The following MELK variants were observed in gnomAD, a reference collection of about 807,000 sequenced individuals.
MELK encodes maternal embryonic leucine zipper kinase, also known as pEg3 kinase.
MELK carries 81 observed loss-of-function variants against 85.0 expected under a neutral mutation model. The ratio of observed to expected loss-of-function variants is 0.95; its 90% CI spans 0.80 to 1.15. MELK has a LOEUF of 1.15. Among genes scored for constraint, MELK ranks in the 50% most tolerant of loss-of-function variants. MELK has a pLI of 0.00. For missense variants in MELK, 754 were observed against 777.5 expected (o/e 0.97, Z 0.36); for synonymous variants, 252 against 265.0 (o/e 0.95, Z 0.48).
At chr9:36,673,885 G>A (rs1176735042) in intron 16 of MELK, among the ~76,000 whole-genome samples, 1 of 151,878 alleles carries the variant, frequency 6.6e-6, no homozygotes, top group African/African-American at 2.4e-5. Context: ...TTATGTTTTC[G>A]AAATCAGTTG....
chr9:36,623,599 C>T (rs1036969314), intron 8 of MELK, among the ~76,000 whole-genome samples: 9 of 152,220 alleles, frequency 5.9e-5, no homozygotes, highest in African/African-American at 1.2e-4. Context: ...CTTGCCTAGA[C>T]GATGTGTACC....
chr9:36,634,556 C>G (rs1323653473), intron 10 of MELK, among the ~76,000 whole-genome samples: 1 of 151,814 alleles, frequency 6.6e-6, no homozygotes, highest in Admixed American at 6.6e-5. Flanking sequence ...ACTAAAAATG[C>G]AAAAAATTAG....
At chr9:36,635,239 G>A (rs1829010405) in intron 10 of MELK, among the ~76,000 whole-genome samples, 1 of 151,834 alleles carries the variant, frequency 6.6e-6, no homozygotes, top group African/African-American at 2.4e-5. Context: ...TCATACTAAG[G>A]TGCCAGCAAT....
At chr9:36,669,270 A>G in intron 14 of MELK, 40 bp from the exon 15 acceptor site, 3 of 1,316,934 alleles carry the variant, frequency 2.3e-6, no homozygotes, top group Non-Finnish European at 3.2e-6. Flanking sequence ...GAACCATAGT[A>G]TGTGCTGCAT....
At chr9:36,617,790 C>T (rs1826993656) in intron 8 of MELK, among the ~76,000 whole-genome samples, 1 of 152,016 alleles carries the variant, frequency 6.6e-6, no homozygotes, top group Non-Finnish European at 1.5e-5. Context: ...ATAAAAAAAA[C>T]TGTAGAGATT....
At chr9:36,603,022 C>G (rs1825095147) in intron 7 of MELK, among the ~76,000 whole-genome samples, 1 of 152,130 alleles carries the variant, frequency 6.6e-6, no homozygotes. Context: ...TTTAGTTTCC[C>G]AGAAGGAGTG....
intron 16 of MELK, 149 bp from the exon 17 acceptor site, chr9:36,674,685 G>C (rs1833185085): frequency 2.1e-6 from 1 of 465,648 alleles, no homozygotes; most frequent in Non-Finnish European, 3.8e-6. Context: ...CTCACTAAGA[G>C]TTGACTGTAA....
intron 3 of MELK, among the ~76,000 whole-genome samples, chr9:36,584,200 T>A (rs1184420125): frequency 2.7e-5 from 4 of 150,636 alleles, no homozygotes; most frequent in African/African-American, 9.8e-5. Flanking sequence ...AGAGACGGGG[T>A]TTCATCGTGT....
In MELK at chr9:36,671,040, G is replaced by A. The variant is rs370585219; in HGVS notation, c.1548G>A (p.Glu516=). The change falls in exon 16 of 18, where the codon GAG becomes GAA. Residue 516 remains glutamate (E), a synonymous_variant. Transcript: ENST00000298048. ...TGGATCTCAACCAAGCACATATGGAGGAGACTCCAAAAAGAAAGGGAGCCA... is the reference window on the plus strand; with the variant it reads ...TGGATCTCAACCAAGCACATATGGAAGAGACTCCAAAAAGAAAGGGAGCCA... ...VELDLNQAHM[E]ETPKRKGAKV... The A allele has an allele frequency of 5.3e-5, 85 of 1,613,372 alleles. No individual in the cohort carries two copies. Among genetic ancestry groups the A allele is most frequent in the Non-Finnish European group, 6.1e-5 (72 of 1,179,732 alleles).
rs200697039 is a variant in MELK at position 36,589,580 on chromosome 9, C to T, written c.189C>T (p.Asn63=). The T allele has an allele frequency of 2.2e-5, 36 of 1,614,064 alleles. No homozygotes were observed. The highest frequency in any genetic ancestry group is 3.0e-5 in the Non-Finnish European group (35 of 1,179,982). ...RIKTEIEALK[N]LRHQHICQLY... ...AAACGGAGATTGAGGCCTTGAAGAA[C>T]CTGAGACATCAGCATATATGTCAAC... The change falls in exon 4 of 18, where the codon AAC becomes AAT. Residue 63 remains asparagine (N), a synonymous_variant. Coordinates refer to ENST00000298048, the MANE Select transcript of MELK (RefSeq NM_014791.4).
At chr9:36,660,996 A>G (rs149235768) in intron 13 of MELK, among the ~76,000 whole-genome samples, 1 of 152,282 alleles carries the variant, frequency 6.6e-6, no homozygotes, top group Non-Finnish European at 1.5e-5. Context: ...CGTCTCAAAT[A>G]AAAAACAAAC....
chr9:36,666,939 T>C (rs1389802190), intron 14 of MELK, among the ~76,000 whole-genome samples: 1 of 150,080 alleles, frequency 6.7e-6, no homozygotes, highest in East Asian at 2.0e-4. Flanking sequence ...GCGGTGGCGC[T>C]GCCTGTGGTT....
intron 10 of MELK, among the ~76,000 whole-genome samples, chr9:36,636,764 C>CTT (rs1271799673): frequency 8.4e-6 from 1 of 119,574 alleles, no homozygotes; most frequent in Non-Finnish European, 1.7e-5. Context: ...TTCTTTCTTT[C>CTT]TTTCTTTCTT....
chr9:36,659,559 A>G (rs1446258066), intron 13 of MELK, among the ~76,000 whole-genome samples: 1 of 152,102 alleles, frequency 6.6e-6, no homozygotes, highest in Non-Finnish European at 1.5e-5. Context: ...TCATATTTTT[A>G]CTATACCTTT....
intron 8 of MELK, among the ~76,000 whole-genome samples, chr9:36,625,275 A>C (rs1476562878): frequency 1.3e-5 from 2 of 152,138 alleles, no homozygotes; most frequent in Non-Finnish European, 2.9e-5. Flanking sequence ...TCCACTCTCT[A>C]TGGGACCCTG....
chr9:36,636,338 A>G (rs187383799), intron 10 of MELK, among the ~76,000 whole-genome samples: 9 of 151,962 alleles, frequency 5.9e-5, no homozygotes, highest in African/African-American at 2.2e-4. Context: ...ACCCGTTTCT[A>G]GTAAAAATAC....
At chr9:36,668,889 G>A (rs111708932) in intron 14 of MELK, among the ~76,000 whole-genome samples, 3 of 151,922 alleles carry the variant, frequency 2.0e-5, no homozygotes, top group African/African-American at 7.2e-5. Flanking sequence ...GAGTTGAATC[G>A]GGCTATGAAT....
At chr9:36,673,738 A>G (rs1251203719) in intron 16 of MELK, among the ~76,000 whole-genome samples, 2 of 152,188 alleles carry the variant, frequency 1.3e-5, no homozygotes, top group African/African-American at 4.8e-5. Flanking sequence ...TGCATATTTT[A>G]AAGTACAATT....
chr9:36,629,850 T>G (rs183670753), intron 8 of MELK, among the ~76,000 whole-genome samples: 1,531 of 148,242 alleles, frequency 0.01, 13 homozygotes, highest in Non-Finnish European at 0.016. Context: ...ATTGTTTTTT[T>G]TTTTTTTTTT....
Sources: gnomAD v4.1 joint callset for allele counts (sites outside exome capture counted in the v4.1 genomes callset) on GRCh38, gnomAD v4.1.1 for gene constraint, MANE v1.5 for transcripts, NCBI Gene and HGNC (gene_info 2026-07-23, HGNC 2026-07-21) for gene names.